FHIT: variants seen among roughly 807,000 people sequenced by gnomAD.
The protein encoded by FHIT is bis(5'-adenosyl)-triphosphatase.
Under a neutral mutation model 17.9 loss-of-function variants are expected in FHIT, and 19 were observed. The ratio of observed to expected loss-of-function variants is 1.06; its 90% confidence interval spans 0.74 to 1.56. The LOEUF is 1.56. FHIT is among the 40% of genes most tolerant of loss of function. The pLI is 0.00. For missense variants in FHIT, 248 were observed against 189.2 expected (o/e 1.31, Z -1.82); for synonymous variants, 81 against 69.7 (o/e 1.16, Z -0.81).
At chr3:60,092,236 G>T (rs1240875767) in intron 5 of FHIT, among the ~76,000 whole-genome samples, 1 of 152,110 alleles carries the variant, frequency 6.6e-6, no homozygotes, top group South Asian at 2.1e-4. Context: ...TTTCATAATT[G>T]TAACTGGTTT....
chr3:61,183,614 T>A (rs2038411532), intron 2 of FHIT, among the ~76,000 whole-genome samples: 2 of 152,186 alleles, frequency 1.3e-5, no homozygotes, highest in African/African-American at 4.8e-5. Context: ...AAGAACAATA[T>A]CTGCCCCATG....
chr3:59,939,310 A>G (rs1397142860), intron 7 of FHIT, among the ~76,000 whole-genome samples: 1 of 152,150 alleles, frequency 6.6e-6, no homozygotes, highest in Non-Finnish European at 1.5e-5. Flanking sequence ...CAGACTGGCC[A>G]TTAACAGAAG....
At chr3:60,053,146 T>G (rs546134882) in intron 5 of FHIT, among the ~76,000 whole-genome samples, 5 of 152,044 alleles carry the variant, frequency 3.3e-5, no homozygotes, top group African/African-American at 1.2e-4. Context: ...GTTTTCCCTC[T>G]TTCTTAGCGT....
At chr3:60,510,161 T>C (rs2034894066) in intron 5 of FHIT, among the ~76,000 whole-genome samples, 1 of 152,092 alleles carries the variant, frequency 6.6e-6, no homozygotes, top group Non-Finnish European at 1.5e-5. Flanking sequence ...AGGAAACCAA[T>C]GGTAGCAAAA....
At chr3:60,885,161 T>C (rs1483936359) in intron 3 of FHIT, among the ~76,000 whole-genome samples, 2 of 152,112 alleles carry the variant, frequency 1.3e-5, no homozygotes, top group Non-Finnish European at 2.9e-5. Flanking sequence ...TTAACAATAA[T>C]TTGTTACATA....
rs373077800 is a variant in FHIT, at chr3:60,259,053, T to TAA, written c.104-244903_104-244902dup. ...TCATGTGTCCTGAACCCTATTCAGT[T>TAA]AAAAAAAAAAAAAAGACCTACCTTG... On this transcript the variant is annotated intron_variant, in intron 5 of 9. Coordinates refer to ENST00000492590, the MANE Select transcript of FHIT (RefSeq NM_002012.4). Among the ~76,000 whole-genome samples, 323 of 141,408 alleles carry TAA rather than the reference T, an allele frequency of 2.3e-3. 1 individual carries two copies. The highest frequency in any genetic ancestry group is 7.7e-3 in the African/African-American group (302 of 38,972). The allele number at this position is 141,408 out of a possible 152,430, so 92.8% of individuals were successfully genotyped here. A position where few individuals can be genotyped will look rare whatever the true frequency, so the allele number is the denominator to read the frequency against.
chr3:60,962,186 A>G (rs1709488603), intron 3 of FHIT, among the ~76,000 whole-genome samples: 1 of 152,060 alleles, frequency 6.6e-6, no homozygotes, highest in African/African-American at 2.4e-5. Context: ...ATTCTCTTTG[A>G]AGCAATTGTG....
At chr3:60,266,035 G>T (rs1001579581) in intron 5 of FHIT, among the ~76,000 whole-genome samples, 6 of 151,742 alleles carry the variant, frequency 4.0e-5, no homozygotes, top group Admixed American at 2.6e-4. Flanking sequence ...ATATTACCCA[G>T]CAATTCCACT....
At chr3:61,126,281 G>C (rs529058460) in intron 2 of FHIT, among the ~76,000 whole-genome samples, 2 of 152,236 alleles carry the variant, frequency 1.3e-5, no homozygotes, top group African/African-American at 4.8e-5. Flanking sequence ...CATGCCTTTG[G>C]GGTCTTCTTT....
intron 4 of FHIT, among the ~76,000 whole-genome samples, chr3:60,540,828 G>C (rs1003285269): frequency 6.6e-6 from 1 of 152,138 alleles, no homozygotes; most frequent in Non-Finnish European, 1.5e-5. Flanking sequence ...AGATAGGAAG[G>C]TTTGCCCCAG....
intron 8 of FHIT, among the ~76,000 whole-genome samples, chr3:59,849,253 A>T (rs1310160532): frequency 2.0e-5 from 3 of 152,024 alleles, no homozygotes; most frequent in Non-Finnish European, 2.9e-5. Flanking sequence ...CACGTCTGTA[A>T]TCCCAGCTAC....
chr3:60,872,615 T>C (rs1704460424), intron 3 of FHIT, among the ~76,000 whole-genome samples: 1 of 152,176 alleles, frequency 6.6e-6, no homozygotes, highest in Admixed American at 6.5e-5. Context: ...CACATTATTC[T>C]CTAAATTCAT....
chr3:60,189,274 G>C (rs1172954774), intron 5 of FHIT, among the ~76,000 whole-genome samples: 1 of 152,020 alleles, frequency 6.6e-6, no homozygotes, highest in Non-Finnish European at 1.5e-5. Context: ...AGAAAAGCTT[G>C]TATTCTCTAA....
intron 5 of FHIT, among the ~76,000 whole-genome samples, chr3:60,418,839 C>T (rs140260610): frequency 6.6e-6 from 1 of 151,980 alleles, no homozygotes; most frequent in African/African-American, 2.4e-5. Flanking sequence ...AGCTGCTGAA[C>T]ATTAGATAGC....
rs528122903 is a variant in FHIT at position 60,723,573 on chromosome 3, C to T, written c.-18+98346G>A. ...CAACACTTCAAACTTGTTGTCGCAG[C>T]TTGTTGCTTAAGGAACTAAGAGCAT... On this transcript the variant is annotated intron_variant, in intron 4 of 9. Transcript: ENST00000492590. Among the ~76,000 whole-genome samples, 6 of 152,308 alleles carry T rather than the reference C, an allele frequency of 3.9e-5. 1 individual carries two copies. The South Asian group carries it at 1.0e-3, about 26-fold the overall frequency.
intron 5 of FHIT, among the ~76,000 whole-genome samples, chr3:60,173,651 A>G (rs927470568): frequency 6.6e-6 from 1 of 151,572 alleles, no homozygotes; most frequent in African/African-American, 2.4e-5. Flanking sequence ...GAAGCATGAA[A>G]TGGTGGATGT....
chr3:60,906,550 C>T (rs1706431000), intron 3 of FHIT, among the ~76,000 whole-genome samples: 1 of 152,144 alleles, frequency 6.6e-6, no homozygotes, highest in African/African-American at 2.4e-5. Context: ...TTGACTGATT[C>T]TTGATTGGGG....
intron 7 of FHIT, among the ~76,000 whole-genome samples, chr3:59,982,136 G>C (rs959914687): frequency 3.3e-5 from 5 of 152,144 alleles, no homozygotes; most frequent in African/African-American, 9.7e-5. Flanking sequence ...TGAATAAATA[G>C]TGATGTATGG....
intron 4 of FHIT, among the ~76,000 whole-genome samples, chr3:60,784,528 G>T (rs541779118): frequency 6.6e-6 from 1 of 152,100 alleles, no homozygotes; most frequent in East Asian, 1.9e-4. Context: ...TAGAGATGGG[G>T]TTTTGCCATG....
Sources: allele counts gnomAD v4.1 joint callset (sites outside exome capture counted in the v4.1 genomes callset), GRCh38; gene constraint gnomAD v4.1.1; transcripts MANE v1.5; gene names NCBI Gene and HGNC (gene_info 2026-07-23, HGNC 2026-07-21).